Variants in PRKD1 observed in about 807,000 individuals in gnomAD.
PRKD1 encodes serine/threonine-protein kinase D1.
Under a neutral mutation model 95.9 loss-of-function variants are expected in PRKD1, and 63 were observed. The ratio of observed to expected loss-of-function variants is 0.66; its 90% confidence interval spans 0.54 to 0.81. The LOEUF (loss-of-function observed/expected upper bound fraction) is 0.81. Among genes scored for constraint, PRKD1 ranks in the 30% least tolerant of loss-of-function variants. The pLI is 0.00. For missense variants in PRKD1, 1,048 were observed against 1,165.3 expected, an observed-to-expected ratio of 0.90 and a Z score of 1.47; for synonymous variants, 425 against 423.1, an observed-to-expected ratio of 1.00 and a Z score of -0.05.
chr14:29,898,789 C>T (rs1284376981), intron 1 of PRKD1, among the ~76,000 whole-genome samples: 1 of 152,056 alleles, frequency 6.6e-6, no homozygotes, highest in African/African-American at 2.4e-5. Context: ...ACTGCCTGAG[C>T]CTTCCTTTGA....
rs540479962 is a variant in PRKD1, at chr14:29,691,521, C to T, written c.404-25313G>A. Among the ~76,000 whole-genome samples the T allele has an allele frequency of 1.3e-3, 196 of 152,290 alleles. 1 individual carries two copies. Among genetic ancestry groups the T allele is most frequent in the African/African-American group, 4.1e-3 (172 of 41,568 alleles). On this transcript the variant is annotated intron_variant, in intron 2 of 17. Coordinates refer to ENST00000331968, the MANE Select transcript of PRKD1 (RefSeq NM_002742.3). ...ATGTGGTCCACAGTGACCTCAACAG[C>T]TCCAAGTCCATATTGCCTTGCAGAG... is the stretch of plus-strand genomic sequence containing the variant.
In PRKD1 at chr14:29,599,133, G is replaced by A; in HGVS notation, c.2068-8C>T. The A allele has an allele frequency of 1.2e-6, 2 of 1,606,096 alleles. No homozygotes were observed. Among genetic ancestry groups the A allele is most frequent in the Non-Finnish European group, 1.7e-6 (2 of 1,173,346 alleles). On this transcript the variant is annotated splice_polypyrimidine_tract_variant and splice_region_variant and intron_variant, in intron 14 of 17. Transcript: ENST00000331968. ...CCGCAAAGCCACGAGTATCTGTAAA[G>A]AAGAATCACCAAAATTTCATTCCAG...
intron 2 of PRKD1, among the ~76,000 whole-genome samples, chr14:29,724,679 TA>T (rs1886056942): frequency 6.6e-6 from 1 of 152,086 alleles, no homozygotes; most frequent in Admixed American, 6.5e-5. Context: ...CTTGAGGAAA[TA>T]AACTTGAGAC....
At chr14:29,771,522 A>G (rs1888507158) in intron 1 of PRKD1, among the ~76,000 whole-genome samples, 1 of 152,100 alleles carries the variant, frequency 6.6e-6, no homozygotes, top group African/African-American at 2.4e-5. Flanking sequence ...ACCCATGCAC[A>G]GAGTGCACAA....
At chr14:29,860,127 T>A (rs1201519936) in intron 1 of PRKD1, among the ~76,000 whole-genome samples, 1 of 152,232 alleles carries the variant, frequency 6.6e-6, no homozygotes, top group Non-Finnish European at 1.5e-5. Flanking sequence ...TCAGAATACA[T>A]GTGAATAAAT....
chr14:29,911,102 T>A (rs1380683923), intron 1 of PRKD1, among the ~76,000 whole-genome samples: 1 of 152,166 alleles, frequency 6.6e-6, no homozygotes, highest in East Asian at 1.9e-4. Context: ...GTGTGTGGTA[T>A]CGGAATATTG....
In PRKD1 at chr14:29,725,536, C is replaced by A. The variant is rs1399904745; in HGVS notation, c.403G>T (p.Ala135Ser). The A allele has an allele frequency of 6.2e-7, 1 of 1,612,856 alleles. No individual in the cohort carries two copies. The highest frequency in any genetic ancestry group is 8.5e-7 in the Non-Finnish European group (1 of 1,179,370). The change falls in exon 2 of 18, where the codon GCT (alanine) becomes TCT (serine). Residue 135 changes from alanine (A) to serine (S), a missense_variant and splice_region_variant. Ala to Ser is a moderately conservative substitution (Grantham distance 99). Around this residue, in one of 3 missense-constraint regions of PRKD1, gnomAD observed 275 missense variants for 248.6 expected, o/e 1.11. Coordinates refer to ENST00000331968, the MANE Select transcript of PRKD1 (RefSeq NM_002742.3). ...AAGAAAAGGTATAAAAGTATACTAC[C>A]TGACAAGACCACTTCAATAAGATCG... Reference protein sequence around the residue: ...EGDLIEVVLSASATFEDFQIR... With the variant: ...EGDLIEVVLSSSATFEDFQIR...
rs187131613 is a variant in PRKD1, at chr14:29,840,488, C to T, written c.264+86761G>A. On this transcript the variant is annotated intron_variant, in intron 1 of 17. Transcript: ENST00000331968. ...CCCTCCAAACTGTTTCAACCTCTGCCTGTTACTCAGTTCCAAAGTTGCTTC... is the reference window on the plus strand; with the variant it reads ...CCCTCCAAACTGTTTCAACCTCTGCTTGTTACTCAGTTCCAAAGTTGCTTC... Among the ~76,000 whole-genome samples, 27 of 152,310 alleles carry T rather than the reference C, an allele frequency of 1.8e-4. No homozygotes were observed. In the East Asian group the frequency reaches 4.8e-3, roughly 27 times the overall value.
chr14:29,685,700 A>G (rs1046412135), intron 2 of PRKD1, among the ~76,000 whole-genome samples: 1 of 151,406 alleles, frequency 6.6e-6, no homozygotes, highest in Non-Finnish European at 1.5e-5. Context: ...ATTATAACTC[A>G]AAGAATGAGC....
intron 2 of PRKD1, among the ~76,000 whole-genome samples, chr14:29,714,034 C>T (rs549521568): frequency 4.7e-4 from 71 of 152,096 alleles, no homozygotes; most frequent in African/African-American, 1.6e-3. Context: ...GGGAATTATG[C>T]CAAATACAAA....
At chr14:29,693,836 T>C (rs1016722863) in intron 2 of PRKD1, among the ~76,000 whole-genome samples, 8 of 152,168 alleles carry the variant, frequency 5.3e-5, no homozygotes, top group African/African-American at 1.4e-4. Flanking sequence ...TTTCCTGCAA[T>C]AGGCAATTTA....
At chr14:29,718,713 T>C (rs971946265) in intron 2 of PRKD1, among the ~76,000 whole-genome samples, 17 of 152,170 alleles carry the variant, frequency 1.1e-4, no homozygotes, top group African/African-American at 4.1e-4. Flanking sequence ...CTGTGACACT[T>C]AGATGTCCAA....
At chr14:29,722,218 AAG>A (rs1885934045) in intron 2 of PRKD1, among the ~76,000 whole-genome samples, 1 of 152,204 alleles carries the variant, frequency 6.6e-6, no homozygotes, top group Admixed American at 6.5e-5. Flanking sequence ...GATAAGGAAA[AAG>A]AAAGTTCAGA....
At chr14:29,746,083 C>T (rs570522579) in intron 1 of PRKD1, among the ~76,000 whole-genome samples, 12 of 152,214 alleles carry the variant, frequency 7.9e-5, no homozygotes, top group East Asian at 1.9e-4. Context: ...GAAATGTTTA[C>T]GATGACTTTG....
intron 1 of PRKD1, among the ~76,000 whole-genome samples, chr14:29,839,775 G>A (rs1302035439): frequency 6.6e-6 from 1 of 152,058 alleles, no homozygotes; most frequent in East Asian, 1.9e-4. Flanking sequence ...AGCTGCCAAG[G>A]CTTGAGGCTT....
intron 2 of PRKD1, among the ~76,000 whole-genome samples, chr14:29,719,734 G>T (rs557177598): frequency 6.6e-6 from 1 of 152,266 alleles, no homozygotes; most frequent in Admixed American, 6.5e-5. Flanking sequence ...TATTATGTAA[G>T]CAAAGATTTC....
intron 2 of PRKD1, among the ~76,000 whole-genome samples, chr14:29,714,113 T>C (rs796479972): frequency 9.2e-5 from 14 of 152,248 alleles, no homozygotes; most frequent in African/African-American, 3.1e-4. Context: ...CAAATTAGAT[T>C]TGAGAGTCCA....
At chr14:29,671,443 G>A (rs577050427) in intron 2 of PRKD1, among the ~76,000 whole-genome samples, 2 of 152,270 alleles carry the variant, frequency 1.3e-5, no homozygotes, top group African/African-American at 4.8e-5. Flanking sequence ...GAGAACAGAA[G>A]GCTTTTCAGC....
At chr14:29,772,033 C>T (rs996375846) in intron 1 of PRKD1, among the ~76,000 whole-genome samples, 4 of 152,104 alleles carry the variant, frequency 2.6e-5, no homozygotes, top group East Asian at 1.9e-4. Context: ...TGCCTCAGGG[C>T]GAATCATACA....
Sources: allele counts gnomAD v4.1 joint callset (sites outside exome capture counted in the v4.1 genomes callset), GRCh38; gene constraint gnomAD v4.1.1; regional missense constraint gnomAD v4.1.1; transcripts MANE v1.5; gene names NCBI Gene and HGNC (gene_info 2026-07-23, HGNC 2026-07-21).